Variants in ULK1 observed in about 807,000 individuals in gnomAD.
ULK1 encodes the protein serine/threonine-protein kinase ULK1.
A neutral mutation model predicts 117.5 loss-of-function variants in ULK1; 48 were observed. That is an observed-to-expected ratio of 0.41 (90% CI 0.32 to 0.52). ULK1 has a LOEUF of 0.52. Ranked by LOEUF, ULK1 falls within the 20% of genes least tolerant of loss-of-function variation. The probability of loss-of-function intolerance (pLI) is 0.29; values close to 1 mark genes in which losing one functional copy is unlikely to be tolerated. For missense variants in ULK1, 1,387 were observed against 1,473.4 expected (o/e 0.94, Z 0.96); for synonymous variants, 790 against 637.8 (o/e 1.24, Z -3.60).
chr12:131,917,719 G>A (rs140849216), intron 22 of ULK1, among the ~76,000 whole-genome samples, 165 bp downstream of exon 22: 48 of 152,260 alleles, frequency 3.2e-4, no homozygotes, highest in Middle Eastern at 3.4e-3. Context: ...CTGTCTCCCC[G>A]TCTGCGAAAT....
In ULK1 at chr12:131,915,981, G is replaced by A. The variant is rs192583536; in HGVS notation, c.1700G>A (p.Arg567His). The A allele has an allele frequency of 3.2e-5, 51 of 1,612,196 alleles. No individual in the cohort carries two copies. The highest frequency in any genetic ancestry group is 8.9e-5 in the East Asian group (4 of 44,846). The part of the protein sequence containing the change: ...APNLSDLHVV[R>H]PKLPKPPTDP... Reference sequence around the variant, plus strand: ...AACCTGTCTGACTTGCACGTCGTCCGCCCCAAGCTGCCCAAACCCCCCACG... The same window carrying A: ...AACCTGTCTGACTTGCACGTCGTCCACCCCAAGCTGCCCAAACCCCCCACG... Residue 567 changes from arginine (R) to histidine (H), a missense_variant, in exon 19 of 28, where the codon CGC becomes CAC. Around this residue, in one of 4 missense-constraint regions of ULK1, gnomAD observed 900 missense variants for 858.9 expected, o/e 1.05. Transcript: ENST00000321867.
chr12:131,919,899 G>T (rs530613667), intron 25 of ULK1, 80 bp from the exon 26 acceptor site: 117 of 1,549,406 alleles, frequency 7.6e-5, no homozygotes, highest in African/African-American at 5.3e-4. Context: ...TGCTCGCTCA[G>T]TGCACCGGGC....
At chr12:131,918,107 C>T (rs1264692986) in intron 22 of ULK1, among the ~76,000 whole-genome samples, 1 of 152,160 alleles carries the variant, frequency 6.6e-6, no homozygotes, top group Non-Finnish European at 1.5e-5. Flanking sequence ...ACTGCCTTGC[C>T]CTTTGAGGTC....
At chr12:131,920,226 TGGTGAGACTTTGGGG>T in intron 26 of ULK1, 90 bp downstream of exon 26, 1 of 1,492,018 alleles carries the variant, frequency 6.7e-7, no homozygotes, top group Non-Finnish European at 9.0e-7. Context: ...GCCCACAGCG[TGGTGAGACTTTGGGG>T]GGTGTCACTT....
chr12:131,920,089 C>T lies in ULK1; in HGVS notation c.2914C>T (p.His972Tyr). 1 of 1,612,838 alleles carries T rather than the reference C, an allele frequency of 6.2e-7. No individual in the cohort carries two copies. The highest frequency in any genetic ancestry group is 8.5e-7 in the Non-Finnish European group (1 of 1,179,948). Residue 972 changes from histidine (H) to tyrosine (Y), a missense_variant, in exon 26 of 28, where the codon CAC becomes TAC. Coordinates refer to ENST00000321867, the MANE Select transcript of ULK1 (RefSeq NM_003565.4). The part of the protein sequence containing the change: ...LDKQRLLDRI[H>Y]SITAERLIFS... ...CAAGCAGCGGCTCCTGGACCGCATT[C>T]ACAGCATCACTGCCGAGAGGCTCAT...
In ULK1 at chr12:131,922,822, C is replaced by G. The variant is rs954617742; in HGVS notation, c.*1461C>G. ...CTTGGACTTAGAAGAAGAAAATCCC[C>G]GTGACTTCTTCCTCATCACCTTGAT... On this transcript the variant is annotated 3_prime_UTR_variant, in exon 28 of 28. Coordinates refer to ENST00000321867, the MANE Select transcript of ULK1 (RefSeq NM_003565.4). 1 of 152,520 alleles carries G rather than the reference C, an allele frequency of 6.6e-6. No individual in the cohort carries two copies. Among genetic ancestry groups the G allele is most frequent in the South Asian group, 2.1e-4 (1 of 4,836 alleles). The allele number at this position is 152,520 out of a possible 1,614,324, so 9.4% of individuals were successfully genotyped here.
chr12:131,895,110 G>A lies in ULK1; in HGVS notation c.109G>A (p.Glu37Lys). The part of the protein sequence containing the change: ...FAVVFKGRHR[E>K]KHDLEVAVKC... ...GGTGGTCTTCAAGGGCCGCCACCGC[G>A]AGGTGAGGCCCCCGTCCGGCCCGGG... The change falls in exon 1 of 28, where the codon GAG becomes AAG. Residue 37 changes from glutamate to lysine, a missense_variant and splice_region_variant. Glu to Lys is a moderately conservative substitution (Grantham distance 56). This residue lies in a region of ULK1 where 224 missense variants were observed against 325.2 expected (regional missense o/e 0.69). Coordinates refer to ENST00000321867, the MANE Select transcript of ULK1 (RefSeq NM_003565.4). 6.5e-7 allele frequency: 1 copy of A among 1,546,754 alleles called. No individual in the cohort carries two copies. Among genetic ancestry groups the A allele is most frequent in the African/African-American group, 1.4e-5 (1 of 72,620 alleles).
In ULK1 at chr12:131,895,769, G is replaced by A. The variant is rs200379701; in HGVS notation, c.205-14G>A. The A allele has an allele frequency of 3.1e-6, 5 of 1,613,976 alleles. No homozygotes were observed. In the Admixed American group the frequency reaches 6.7e-5, roughly 22 times the overall value. ...CCTCCCCACACTGATAACAAACTTG[G>A]GTTTCTGTCCTAGGAACTGAAACAT... On this transcript the variant is annotated splice_polypyrimidine_tract_variant and intron_variant, in intron 2 of 27. Transcript: ENST00000321867.
Position 131,922,026 on chromosome 12 carries a change from G to T in ULK1, c.*665G>T. ...GAGAACTGGCTCCGGGGGGAGTGGG[G>T]CCCTGCGCTAGAGGCAGAGGCAGTT... is the stretch of plus-strand genomic sequence containing the variant. On this transcript the variant is annotated 3_prime_UTR_variant, in exon 28 of 28. Transcript: ENST00000321867. 2.2e-6 allele frequency: 1 copy of T among 454,574 alleles called. No homozygotes were observed. The highest frequency in any genetic ancestry group is 1.6e-5 in the South Asian group (1 of 64,486). 28.2% of individuals were successfully genotyped at this position (454,574 alleles called of 1,614,324 possible).
At chr12:131,895,929 G>T in intron 3 of ULK1, 105 bp downstream of exon 3, 3 of 1,458,966 alleles carry the variant, frequency 2.1e-6, no homozygotes, top group East Asian at 4.6e-5. Context: ...CCAGGCTGGG[G>T]TCTACTGGGC....
At chr12:131,919,905 C>G in intron 25 of ULK1, 74 bp from the exon 26 acceptor site, 1 of 1,559,400 alleles carries the variant, frequency 6.4e-7, no homozygotes, top group Non-Finnish European at 8.7e-7. Flanking sequence ...CTCAGTGCAC[C>G]GGGCAGATCA....
chr12:131,917,014 C>T lies in ULK1; in HGVS notation c.2134C>T (p.Pro712Ser), dbSNP rs772062478. Reference sequence around the variant, plus strand: ...TAAGGCGGCGTTTGGGACACAAGCCCCGGACCCGGGCAGCACGGAGAGCCT... The same window carrying T: ...TAAGGCGGCGTTTGGGACACAAGCCTCGGACCCGGGCAGCACGGAGAGCCT... ...LLKAAFGTQA[P>S]DPGSTESLQE... The change falls in exon 21 of 28, where the codon CCG becomes TCG. Residue 712 changes from proline (P) to serine (S), a missense_variant. Pro to Ser is a moderately conservative substitution (Grantham distance 74). Coordinates refer to ENST00000321867, the MANE Select transcript of ULK1 (RefSeq NM_003565.4). The T allele has an allele frequency of 6.0e-6, 9 of 1,510,514 alleles. No homozygotes were observed. In the Admixed American group the frequency reaches 7.5e-5, roughly 13 times the overall value. The allele number at this position is 1,510,514 out of a possible 1,614,324, so 93.6% of individuals were successfully genotyped here.
intron 3 of ULK1, among the ~76,000 whole-genome samples, chr12:131,905,657 C>T (rs979520843): frequency 2.0e-5 from 3 of 152,174 alleles, no homozygotes; most frequent in Admixed American, 2.0e-4. Context: ...GCTCCTCCAG[C>T]CCAGCCTGCC....
Position 131,900,073 on chromosome 12 carries a change from C to T in ULK1, c.246+4249C>T, listed in dbSNP as rs564988136. 5.8e-5 allele frequency among the ~76,000 whole-genome samples: 8 copies of T among 137,530 alleles called. No individual in the cohort carries two copies. In the South Asian group the frequency reaches 1.2e-3, roughly 20 times the overall value. The allele number at this position is 137,530 out of a possible 152,430, so 90.2% of individuals were successfully genotyped here. A position where few individuals can be genotyped will look rare whatever the true frequency, so the allele number is the denominator to read the frequency against. ...TGGAGGCTGCAGTGAGCTGAGATTGCGCCGCTGCACTCCAGCCTGGGCGAC... is the reference window on the plus strand; with the variant it reads ...TGGAGGCTGCAGTGAGCTGAGATTGTGCCGCTGCACTCCAGCCTGGGCGAC... On this transcript the variant is annotated intron_variant, in intron 3 of 27. Transcript: ENST00000321867.
rs573925195 is a variant in ULK1 at position 131,912,672 on chromosome 12, T to G, written c.1097-526T>G. On this transcript the variant is annotated intron_variant, in intron 13 of 27. Coordinates refer to ENST00000321867, the MANE Select transcript of ULK1 (RefSeq NM_003565.4). ...AATGACTCATGCCGAGCCCTCCGCC[T>G]CTCCCATCAGCATGGCTTCTGCGGG... Among the ~76,000 whole-genome samples, 998 of 152,298 alleles carry G rather than the reference T, an allele frequency of 6.6e-3. 11 individuals carry two copies. The highest frequency in any genetic ancestry group is 0.023 in the African/African-American group (937 of 41,558).
chr12:131,912,170 GT>G (rs1889569124), intron 13 of ULK1, 81 bp downstream of exon 13: 1 of 1,512,628 alleles, frequency 6.6e-7, no homozygotes, highest in Admixed American at 2.1e-5. Context: ...TGCACAGTGT[GT>G]AACACATTTC....
At position 131,915,416 on chromosome 12, in the gene ULK1, G is replaced by A. The variant is rs909703746; in HGVS notation, c.1604G>A (p.Arg535His). The A allele has an allele frequency of 1.6e-5, 25 of 1,612,338 alleles. No individual in the cohort carries two copies. Among genetic ancestry groups the A allele is most frequent in the Admixed American group, 3.3e-5 (2 of 59,984 alleles). ...GAEMRGGRSP[R>H]PGSSAPEHSP... Reference sequence around the variant, plus strand: ...GAGATGCGGGGTGGCAGGTCCCCTCGTCCAGGTGGGTGCAGTCCGGAGGGG... The same window carrying A: ...GAGATGCGGGGTGGCAGGTCCCCTCATCCAGGTGGGTGCAGTCCGGAGGGG... The change falls in exon 18 of 28, where the codon CGT becomes CAT. Residue 535 changes from arginine to histidine, a missense_variant. Arg to His is a conservative substitution (Grantham distance 29). This residue lies in a region of ULK1 where 900 missense variants were observed against 858.9 expected (regional missense o/e 1.05). Transcript: ENST00000321867.
chr12:131,898,557 A>G (rs1184626560), intron 3 of ULK1, among the ~76,000 whole-genome samples: 1 of 151,954 alleles, frequency 6.6e-6, no homozygotes, highest in Non-Finnish European at 1.5e-5. Context: ...GCTGGAGTGC[A>G]GTGACACAAT....
In ULK1 at chr12:131,915,939, G is replaced by A. The variant is rs371730429; in HGVS notation, c.1658G>A (p.Arg553His). 5.0e-6 allele frequency: 8 copies of A among 1,612,282 alleles called. No homozygotes were observed. Among genetic ancestry groups the A allele is most frequent in the Admixed American group, 1.7e-5 (1 of 59,980 alleles). ...HSPRTSGLGC[R>H]LHSAPNLSDL... ...CCCCGCACTTCCGGGCTGGGCTGCC[G>A]CCTGCACAGCGCCCCCAACCTGTCT... The change falls in exon 19 of 28, where the codon CGC becomes CAC. Residue 553 changes from arginine to histidine, a missense_variant. Physicochemically the swap from Arg to His is conservative, Grantham distance 29 (BLOSUM62 0). This residue lies in a region of ULK1 where 900 missense variants were observed against 858.9 expected (regional missense o/e 1.05). Transcript: ENST00000321867.
Sources: gnomAD v4.1 joint callset for allele counts (sites outside exome capture counted in the v4.1 genomes callset) on GRCh38, gnomAD v4.1.1 for gene constraint, gnomAD v4.1.1 regional missense constraint, MANE v1.5 for transcripts, NCBI Gene and HGNC (gene_info 2026-07-23, HGNC 2026-07-21) for gene names.